PPP1R14C: variants seen among roughly 807,000 people sequenced by gnomAD.
PPP1R14C encodes the protein protein phosphatase 1 regulatory subunit 14C.
Under a neutral mutation model 20.4 loss-of-function variants are expected in PPP1R14C, and 16 were observed. The observed-to-expected ratio is 0.78, with a 90% CI of 0.53 to 1.19. PPP1R14C has a LOEUF of 1.19. Ranked by LOEUF, PPP1R14C falls within the 50% of genes most tolerant of loss-of-function variation. PPP1R14C has a pLI of 0.00. For synonymous variants in PPP1R14C, 91 were observed against 91.0 expected (o/e 1.00, Z 0.00); for missense variants, 211 against 220.1 (o/e 0.96, Z 0.26).
chr6:150,144,195 C>T (rs368695333), intron 1 of PPP1R14C, among the ~76,000 whole-genome samples: 2 of 152,326 alleles, frequency 1.3e-5, no homozygotes, highest in East Asian at 3.9e-4. Flanking sequence ...TCTGGGGCAA[C>T]CTCGACGGGT....
intron 3 of PPP1R14C, among the ~76,000 whole-genome samples, chr6:150,225,502 C>G (rs1286309834): frequency 6.6e-6 from 1 of 152,212 alleles, no homozygotes; most frequent in Non-Finnish European, 1.5e-5. Flanking sequence ...CTGTGAGTCC[C>G]TCTACTTCGG....
intron 1 of PPP1R14C, among the ~76,000 whole-genome samples, chr6:150,173,004 G>A (rs961775288): frequency 6.6e-6 from 1 of 152,076 alleles, no homozygotes; most frequent in Non-Finnish European, 1.5e-5. Flanking sequence ...GATGTGATGA[G>A]CCACCCAAAT....
chr6:150,242,213 A>G (rs1307738501), intron 3 of PPP1R14C, among the ~76,000 whole-genome samples: 1 of 152,218 alleles, frequency 6.6e-6, no homozygotes, highest in Non-Finnish European at 1.5e-5. Flanking sequence ...AAGAAATTCT[A>G]CCAACTCTAC....
intron 1 of PPP1R14C, among the ~76,000 whole-genome samples, chr6:150,148,618 C>G (rs945229403): frequency 6.6e-6 from 1 of 152,188 alleles, no homozygotes; most frequent in Non-Finnish European, 1.5e-5. Context: ...TTTATTAGCG[C>G]TCAAGCTGGA....
Position 150,248,761 on chromosome 6 carries a change from C to T in PPP1R14C, c.439C>T (p.Leu147=). The T allele has an allele frequency of 6.2e-7, 1 of 1,611,568 alleles. No individual in the cohort carries two copies. Residue 147 remains leucine, a synonymous_variant, in exon 4 of 4, where the codon CTG becomes TTG. Coordinates refer to ENST00000361131, the MANE Select transcript of PPP1R14C (RefSeq NM_030949.3). ...TCTCTTTTAGGAATTTATCAAAGAGCTGCTTTCTCGGATAAGAGGCATGAG... is the reference window on the plus strand; with the variant it reads ...TCTCTTTTAGGAATTTATCAAAGAGTTGCTTTCTCGGATAAGAGGCATGAG... ...YKPTEEFIKE[L]LSRIRGMRKL...
chr6:150,235,665 G>C (rs577529597), intron 3 of PPP1R14C, among the ~76,000 whole-genome samples: 1 of 152,134 alleles, frequency 6.6e-6, no homozygotes, highest in Non-Finnish European at 1.5e-5. Context: ...AGCATTCCAC[G>C]CACTCTATTC....
chr6:150,224,342 T>C (rs948231041), intron 3 of PPP1R14C, among the ~76,000 whole-genome samples: 1 of 152,252 alleles, frequency 6.6e-6, no homozygotes, highest in African/African-American at 2.4e-5. Flanking sequence ...TTTGTCTTTC[T>C]ATATAAACCT....
intron 1 of PPP1R14C, chr6:150,194,764 C>G: frequency 1.0e-6 from 1 of 985,226 alleles, no homozygotes; most frequent in Non-Finnish European, 1.2e-6. Context: ...AGTTTAAGAC[C>G]CTGTTTTGTT....
At chr6:150,175,846 A>G (rs138157933) in intron 1 of PPP1R14C, among the ~76,000 whole-genome samples, 1,832 of 152,324 alleles carry the variant, frequency 0.012, 18 homozygotes, top group Non-Finnish European at 0.02. Context: ...CTGTTTGGGA[A>G]AATGCAGTTT....
At chr6:150,180,963 C>A (rs1485571249) in intron 1 of PPP1R14C, among the ~76,000 whole-genome samples, 2 of 152,046 alleles carry the variant, frequency 1.3e-5, no homozygotes, top group African/African-American at 2.4e-5. Flanking sequence ...AAATAAGGAC[C>A]CAATGTCAAA....
chr6:150,160,690 C>T (rs1019987281), intron 1 of PPP1R14C, among the ~76,000 whole-genome samples: 1 of 151,956 alleles, frequency 6.6e-6, no homozygotes, highest in Admixed American at 6.6e-5. Flanking sequence ...ATTTAGTCTG[C>T]TTTATTTATG....
chr6:150,150,854 G>A (rs1777238057), intron 1 of PPP1R14C, among the ~76,000 whole-genome samples: 1 of 151,910 alleles, frequency 6.6e-6, no homozygotes, highest in Admixed American at 6.6e-5. Context: ...TCTCTCTTCT[G>A]TTTAAACCAC....
At chr6:150,227,801 G>T (rs1355589627) in intron 3 of PPP1R14C, among the ~76,000 whole-genome samples, 1 of 152,214 alleles carries the variant, frequency 6.6e-6, no homozygotes, top group Non-Finnish European at 1.5e-5. Flanking sequence ...GTAGCCACTG[G>T]CTACAAAAGC....
intron 1 of PPP1R14C, among the ~76,000 whole-genome samples, chr6:150,188,829 T>C (rs565505841): frequency 6.6e-6 from 1 of 150,934 alleles, no homozygotes; most frequent in African/African-American, 2.4e-5. Context: ...CAGGATTTTT[T>C]ATTTTTTTAT....
At position 150,248,817 on chromosome 6, in the gene PPP1R14C, A is replaced by C; in HGVS notation, c.495A>C (p.Val165=). ...RKLSPPQKKS[V] ...TGAGCCCTCCGCAGAAGAAGAGTGT[A>C]TGATTCTGGAACAGGGTGAAACTCT... Residue 165 remains valine, a synonymous_variant, in exon 4 of 4, where the codon GTA becomes GTC. Coordinates refer to ENST00000361131, the MANE Select transcript of PPP1R14C (RefSeq NM_030949.3). The C allele has an allele frequency of 6.2e-7, 1 of 1,607,204 alleles. No homozygotes were observed. Among genetic ancestry groups the C allele is most frequent in the Non-Finnish European group, 8.5e-7 (1 of 1,173,944 alleles).
At chr6:150,169,825 G>A (rs1304526121) in intron 1 of PPP1R14C, among the ~76,000 whole-genome samples, 5 of 152,216 alleles carry the variant, frequency 3.3e-5, no homozygotes, top group African/African-American at 7.2e-5. Flanking sequence ...TTTGTTGGGG[G>A]TGACTCATCT....
intron 3 of PPP1R14C, among the ~76,000 whole-genome samples, chr6:150,244,564 GAA>G (rs1320505108): frequency 6.6e-6 from 1 of 152,218 alleles, no homozygotes; most frequent in Non-Finnish European, 1.5e-5. Flanking sequence ...TGGGATAATA[GAA>G]AGAGTCCCTA....
intron 1 of PPP1R14C, among the ~76,000 whole-genome samples, chr6:150,149,204 G>A (rs1372515590): frequency 2.0e-5 from 3 of 152,170 alleles, no homozygotes; most frequent in Non-Finnish European, 4.4e-5. Context: ...TTTGAAGTGC[G>A]ATGAACCTGA....
In PPP1R14C at chr6:150,143,495, C is replaced by T. The variant is rs1473352714; in HGVS notation, c.303C>T (p.Cys101=). 1.9e-6 allele frequency: 3 copies of T among 1,555,868 alleles called. No individual in the cohort carries two copies. The highest frequency in any genetic ancestry group is 2.6e-6 in the Non-Finnish European group (3 of 1,141,552). The part of the protein sequence containing the change: ...IVEQLGQLYG[C]EEEEMPEVEI... The stretch of plus-strand genomic sequence containing the variant: ...AGCAGCTGGGTCAGCTCTACGGCTG[C>T]GAGGTACCTGGGCGCGGGGCTGGGA... Residue 101 remains cysteine (C), a synonymous_variant, in exon 1 of 4, where the codon TGC becomes TGT. Transcript: ENST00000361131. The surrounding 1 kb of genome is among the most constrained non-coding windows in gnomAD (Gnocchi z 5.6).
Sources: allele counts gnomAD v4.1 joint callset (sites outside exome capture counted in the v4.1 genomes callset), GRCh38; gene constraint gnomAD v4.1.1; non-coding constraint Gnocchi (gnomAD v3.1); transcripts MANE v1.5; gene names NCBI Gene and HGNC (gene_info 2026-07-23, HGNC 2026-07-21).